TENM3: variants seen among roughly 807,000 people sequenced by gnomAD.
The protein encoded by TENM3 is teneurin transmembrane protein 3.
TENM3 carries 63 observed loss-of-function variants against 255.1 expected under a neutral mutation model. That is an observed-to-expected ratio of 0.25 (90% confidence interval 0.20 to 0.30). TENM3 has a LOEUF of 0.30. Ranked by LOEUF, TENM3 falls within the 10% of genes least tolerant of loss-of-function variation. The pLI is 1.00. For synonymous variants in TENM3, 1,306 were observed against 1,322.3 expected (o/e 0.99, Z 0.27); for missense variants, 2,929 against 3,461.1 (o/e 0.85, Z 3.86).
At chr4:182,174,883 T>C (rs541112268) in intron 1 of TENM3, among the ~76,000 whole-genome samples, 48 of 152,298 alleles carry the variant, frequency 3.2e-4, no homozygotes, top group South Asian at 8.3e-4. Flanking sequence ...TCATTTTCAT[T>C]TTTTAATTCC....
chr4:182,785,990 C>G (rs1489326999), intron 24 of TENM3, among the ~76,000 whole-genome samples: 1 of 152,164 alleles, frequency 6.6e-6, no homozygotes, highest in Non-Finnish European at 1.5e-5. Flanking sequence ...TGTCTGGAAA[C>G]AGTAAGAATG....
chr4:181,787,353 T>C, the TENM3 span, among the ~76,000 whole-genome samples: 1 of 151,840 alleles, frequency 6.6e-6, no homozygotes, highest in South Asian at 2.1e-4. Flanking sequence ...TTTTTTTTTT[T>C]TTTGAGACGG....
chr4:182,796,432 G>A (rs562158506), intron 26 of TENM3, among the ~76,000 whole-genome samples: 7 of 152,292 alleles, frequency 4.6e-5, no homozygotes, highest in East Asian at 1.9e-4. Context: ...CGCATTTTTC[G>A]TAGCATTTGC....
the TENM3 span, among the ~76,000 whole-genome samples, chr4:181,683,201 G>T: frequency 6.6e-6 from 1 of 152,006 alleles, no homozygotes; most frequent in Admixed American, 6.6e-5. Flanking sequence ...CCAGGTAGAG[G>T]ACTATTATCA....
chr4:181,737,845 T>C, the TENM3 span, among the ~76,000 whole-genome samples: 1 of 151,346 alleles, frequency 6.6e-6, no homozygotes, highest in Non-Finnish European at 1.5e-5. Context: ...AAAGACACAG[T>C]AATGGTACTC....
rs762036451 is a variant in TENM3, at chr4:182,796,766, C to A, written c.7343C>A (p.Pro2448Gln). ...LVKSQQWDDIPPIFGVQQQVA... is the reference protein window; with the variant it reads ...LVKSQQWDDIQPIFGVQQQVA... The stretch of plus-strand genomic sequence containing the variant: ...AAGAGTCAGCAGTGGGATGATATAC[C>A]GGTAAGAAACAAAAAGACCTACGGA... Residue 2448 changes from proline to glutamine, a missense_variant and splice_region_variant, in exon 27 of 28, where the codon CCG (proline) becomes CAG (glutamine). Pro to Gln is a moderately conservative substitution (Grantham distance 76, BLOSUM62 -1). Around this residue, in one of 6 missense-constraint regions of TENM3, gnomAD observed 476 missense variants for 480.1 expected, o/e 0.99. Coordinates refer to ENST00000511685, the MANE Select transcript of TENM3 (RefSeq NM_001080477.4). 1.1e-5 allele frequency: 17 copies of A among 1,601,722 alleles called. No individual in the cohort carries two copies. The highest frequency in any genetic ancestry group is 1.4e-5 in the Non-Finnish European group (17 of 1,173,806).
chr4:182,539,632 C>T (rs561340201), intron 3 of TENM3, among the ~76,000 whole-genome samples: 1 of 152,270 alleles, frequency 6.6e-6, no homozygotes, highest in South Asian at 2.1e-4. Flanking sequence ...ATCATTCGAA[C>T]GATATTAAAT....
intron 6 of TENM3, among the ~76,000 whole-genome samples, chr4:182,657,440 C>G (rs1195876730): frequency 6.6e-6 from 1 of 152,152 alleles, no homozygotes; most frequent in Non-Finnish European, 1.5e-5. Flanking sequence ...TGGATCTATG[C>G]TTCCACCTTT....
At chr4:181,758,554 C>T in the TENM3 span, among the ~76,000 whole-genome samples, 1 of 152,252 alleles carries the variant, frequency 6.6e-6, no homozygotes, top group African/African-American at 2.4e-5. Context: ...AGGGCTTACG[C>T]TAATTAGCTT....
the TENM3 span, among the ~76,000 whole-genome samples, chr4:181,474,594 G>A: frequency 0.016 from 2,492 of 152,048 alleles, 73 homozygotes; most frequent in African/African-American, 0.056. Context: ...AATTAGCAGG[G>A]TGTGGTGGCG....
At chr4:181,545,543 A>G in the TENM3 span, among the ~76,000 whole-genome samples, 1 of 152,218 alleles carries the variant, frequency 6.6e-6, no homozygotes, top group African/African-American at 2.4e-5. Context: ...TCGATTTTAG[A>G]AAATGAAGTG....
the TENM3 span, among the ~76,000 whole-genome samples, chr4:181,944,277 G>C: frequency 3.3e-5 from 5 of 151,754 alleles, no homozygotes; most frequent in African/African-American, 9.7e-5. Context: ...TATAGTCTTG[G>C]GGGGGTCCCA....
At chr4:182,371,851 T>C (rs1342271437) in intron 3 of TENM3, among the ~76,000 whole-genome samples, 1 of 152,226 alleles carries the variant, frequency 6.6e-6, no homozygotes. Context: ...AAATATCTAT[T>C]TGAAGTCCTG....
At chr4:181,473,821 T>C in the TENM3 span, among the ~76,000 whole-genome samples, 2 of 91,534 alleles carry the variant, frequency 2.2e-5, no homozygotes, top group Non-Finnish European at 4.4e-5. Flanking sequence ...ACACATGCAG[T>C]ATATATGTAT....
At chr4:182,169,657 C>T (rs1256321678) in intron 1 of TENM3, among the ~76,000 whole-genome samples, 1 of 152,044 alleles carries the variant, frequency 6.6e-6, no homozygotes, top group Non-Finnish European at 1.5e-5. Flanking sequence ...TGAGATATCT[C>T]TACTACAGTA....
chr4:182,563,548 A>G (rs999919125), intron 3 of TENM3, among the ~76,000 whole-genome samples: 9 of 152,212 alleles, frequency 5.9e-5, no homozygotes, highest in Admixed American at 1.3e-4. Context: ...TATATTATTA[A>G]ATAATTATCC....
intron 24 of TENM3, among the ~76,000 whole-genome samples, chr4:182,777,867 A>G (rs1764828973): frequency 6.7e-6 from 1 of 150,126 alleles, no homozygotes; most frequent in African/African-American, 2.4e-5. Flanking sequence ...ATATATATAT[A>G]TATATATGTT....
intron 1 of TENM3, among the ~76,000 whole-genome samples, chr4:182,315,387 A>C (rs1014285425): frequency 6.6e-6 from 1 of 150,684 alleles, no homozygotes; most frequent in Non-Finnish European, 1.5e-5. Flanking sequence ...AGTTATTTTC[A>C]TGGGATATAA....
the TENM3 span, among the ~76,000 whole-genome samples, chr4:181,874,237 G>A: frequency 6.6e-6 from 1 of 152,136 alleles, no homozygotes; most frequent in African/African-American, 2.4e-5. Flanking sequence ...CATTTTGTAA[G>A]TATAAATTTA....
Sources: gnomAD v4.1 joint callset for allele counts (sites outside exome capture counted in the v4.1 genomes callset) on GRCh38, gnomAD v4.1.1 for gene constraint, gnomAD v4.1.1 regional missense constraint, MANE v1.5 for transcripts, NCBI Gene and HGNC (gene_info 2026-07-23, HGNC 2026-07-21) for gene names.